Variants in RIN2 observed in about 807,000 individuals in gnomAD.
RIN2 encodes the protein Ras and Rab interactor 2.
RIN2 carries 36 observed loss-of-function variants against 78.0 expected under a neutral mutation model. That is an observed-to-expected ratio of 0.46 (90% CI 0.35 to 0.61). The LOEUF (loss-of-function observed/expected upper bound fraction) is 0.61, where lower values mean the gene tolerates loss of function less well. RIN2 is among the 20% of genes least tolerant of loss of function. RIN2 has a pLI of 0.00. For synonymous variants in RIN2, 466 were observed against 466.8 expected, an observed-to-expected ratio of 1.00 and a Z score of 0.02; for missense variants, 1,087 against 1,159.7, an observed-to-expected ratio of 0.94 and a Z score of 0.91.
At chr20:19,917,110 T>TA (rs11481859) in intron 3 of RIN2, among the ~76,000 whole-genome samples, 55,807 of 147,692 alleles carry the variant, frequency 0.38, 10,850 homozygotes, top group Non-Finnish European at 0.44. Context: ...TTAAAAAATT[T>TA]AAAAAAAAAA....
chr20:19,865,328 A>C (rs879411432), intron 2 of RIN2, among the ~76,000 whole-genome samples: 2 of 152,132 alleles, frequency 1.3e-5, no homozygotes, highest in Non-Finnish European at 2.9e-5. Flanking sequence ...CACTCAGGCC[A>C]CTGGGTAAAT....
At chr20:19,801,278 C>CTTT (rs371699730) in intron 2 of RIN2, among the ~76,000 whole-genome samples, 414 of 151,806 alleles carry the variant, frequency 2.7e-3, no homozygotes, top group African/African-American at 8.1e-3. Flanking sequence ...TCAAGTAATT[C>CTTT]TTTATTTTAT....
At chr20:19,846,792 G>T (rs1204762958) in intron 2 of RIN2, among the ~76,000 whole-genome samples, 1 of 152,152 alleles carries the variant, frequency 6.6e-6, no homozygotes. Context: ...TCCTTGTCTT[G>T]TGCCGGTTTT....
At chr20:19,925,669 G>T (rs750337138) in intron 3 of RIN2, among the ~76,000 whole-genome samples, 6 of 152,178 alleles carry the variant, frequency 3.9e-5, no homozygotes, top group Non-Finnish European at 7.3e-5. Flanking sequence ...TATAATCAGG[G>T]CAAAGCAAAT....
chr20:19,892,340 C>T (rs1358364240), intron 3 of RIN2, among the ~76,000 whole-genome samples: 2 of 152,046 alleles, frequency 1.3e-5, no homozygotes, highest in Non-Finnish European at 2.9e-5. Flanking sequence ...CTCAGCCTCC[C>T]GAGCAGCTGG....
At chr20:19,923,081 A>T (rs1467652817) in intron 3 of RIN2, among the ~76,000 whole-genome samples, 1 of 152,164 alleles carries the variant, frequency 6.6e-6, no homozygotes, top group African/African-American at 2.4e-5. Context: ...AGATGATAAC[A>T]TTCCAAGTAG....
chr20:19,824,356 C>T (rs2036020905), intron 2 of RIN2, among the ~76,000 whole-genome samples: 1 of 152,178 alleles, frequency 6.6e-6, no homozygotes, highest in South Asian at 2.1e-4. Flanking sequence ...GTACCTAGTA[C>T]ATCAAATTGT....
At chr20:19,876,751 A>C (rs558531959) in intron 2 of RIN2, among the ~76,000 whole-genome samples, 1 of 152,194 alleles carries the variant, frequency 6.6e-6, no homozygotes, top group Admixed American at 6.5e-5. Flanking sequence ...CTAAAAATAC[A>C]AAAATTATCT....
At chr20:19,836,646 A>G (rs779889353) in intron 2 of RIN2, among the ~76,000 whole-genome samples, 2 of 151,734 alleles carry the variant, frequency 1.3e-5, no homozygotes, top group African/African-American at 2.4e-5. Flanking sequence ...CATTTCTCCT[A>G]TTAGGGTTAT....
At chr20:19,822,514 C>A (rs2035956681) in intron 2 of RIN2, among the ~76,000 whole-genome samples, 1 of 152,192 alleles carries the variant, frequency 6.6e-6, no homozygotes, top group African/African-American at 2.4e-5. Context: ...TCTTGCTCAT[C>A]TTTCCCTGAT....
intron 2 of RIN2, among the ~76,000 whole-genome samples, chr20:19,806,751 A>T (rs551336277): frequency 6.6e-6 from 1 of 152,314 alleles, no homozygotes. Flanking sequence ...AACAAAAATT[A>T]GCCAGGCATG....
In RIN2 at chr20:19,852,703, C is replaced by T. The variant is rs376582847; in HGVS notation, c.-36-36863C>T. 2.6e-5 allele frequency among the ~76,000 whole-genome samples: 4 copies of T among 152,266 alleles called. No individual in the cohort carries two copies. In the East Asian group the frequency reaches 7.7e-4, roughly 29 times the overall value. On this transcript the variant is annotated intron_variant, in intron 2 of 12. Coordinates refer to ENST00000255006, the MANE Select transcript of RIN2 (RefSeq NM_018993.4). ...CTCCTCTCTGATCATTCTTAATCTA[C>T]ATTAGTCCTTTACATACAAGGTAAT...
At chr20:19,914,258 T>C (rs984511522) in intron 3 of RIN2, among the ~76,000 whole-genome samples, 2 of 152,180 alleles carry the variant, frequency 1.3e-5, no homozygotes, top group Non-Finnish European at 1.5e-5. Context: ...TTTTGGGGGA[T>C]AGAAATAATA....
intron 2 of RIN2, among the ~76,000 whole-genome samples, chr20:19,804,208 G>T (rs2035333638): frequency 6.6e-6 from 1 of 152,164 alleles, no homozygotes; most frequent in Non-Finnish European, 1.5e-5. Flanking sequence ...TTGCCTGACT[G>T]CCCTGGCCAG....
intron 3 of RIN2, among the ~76,000 whole-genome samples, chr20:19,919,426 T>C (rs547337383): frequency 6.6e-6 from 1 of 152,370 alleles, no homozygotes; most frequent in Non-Finnish European, 1.5e-5. Context: ...AAATCATTTA[T>C]ATCCTGTAGT....
intron 2 of RIN2, among the ~76,000 whole-genome samples, chr20:19,809,997 T>C (rs1276827706): frequency 6.7e-6 from 1 of 149,314 alleles, no homozygotes; most frequent in Non-Finnish European, 1.5e-5. Context: ...AGAAAGAAAA[T>C]GACTACAGCA....
intron 7 of RIN2, among the ~76,000 whole-genome samples, chr20:19,966,869 A>G (rs2041956070): frequency 1.3e-5 from 2 of 151,980 alleles, no homozygotes; most frequent in South Asian, 4.1e-4. Flanking sequence ...GTGCTGCCCA[A>G]AGAGAGGAGG....
rs1434217510 is a variant in RIN2, at chr20:19,953,838, T to A, written c.159-2777T>A. ...AACACCAGCTTCACTTTGAAGAGTA[T>A]GTTTTTTTAACTGCAAATATTCACT... On this transcript the variant is annotated intron_variant, in intron 4 of 12. Transcript: ENST00000255006. Among the ~76,000 whole-genome samples, 7 of 151,890 alleles carry A rather than the reference T, an allele frequency of 4.6e-5. No homozygotes were observed. The Middle Eastern group carries it at 0.01, about 221-fold the overall frequency.
chr20:19,925,340 T>C (rs369543), intron 3 of RIN2, among the ~76,000 whole-genome samples: 1 of 152,006 alleles, frequency 6.6e-6, no homozygotes, highest in African/African-American at 2.4e-5. Context: ...AAGCTGTATA[T>C]ACTGTATAAG....
Sources: gnomAD v4.1 joint callset for allele counts (sites outside exome capture counted in the v4.1 genomes callset) on GRCh38, gnomAD v4.1.1 for gene constraint, MANE v1.5 for transcripts, NCBI Gene and HGNC (gene_info 2026-07-23, HGNC 2026-07-21) for gene names.